XXYLT1: variants seen among roughly 807,000 people sequenced by gnomAD.
XXYLT1 encodes xyloside xylosyltransferase 1, also known as UDP-xylose:alpha-xyloside alpha-1,3-xylosyltransferase.
XXYLT1 carries 20 observed loss-of-function variants against 28.9 expected under a neutral mutation model. The ratio of observed to expected loss-of-function variants is 0.69; its 90% CI spans 0.49 to 1.00. The LOEUF is 1.00. Among genes scored for constraint, XXYLT1 ranks in the 50% least tolerant of loss-of-function variants. The pLI is 0.00. For synonymous variants in XXYLT1, 257 were observed against 253.8 expected, an observed-to-expected ratio of 1.01 and a Z score of -0.12; for missense variants, 542 against 560.1, an observed-to-expected ratio of 0.97 and a Z score of 0.33.
intron 1 of XXYLT1, among the ~76,000 whole-genome samples, chr3:195,265,892 G>A (rs1057171777): frequency 6.6e-6 from 1 of 152,148 alleles, no homozygotes; most frequent in African/African-American, 2.4e-5. Context: ...GCCTACCTCT[G>A]GACTGCATTG....
intron 2 of XXYLT1, among the ~76,000 whole-genome samples, chr3:195,164,922 G>A (rs963579937): frequency 3.9e-5 from 6 of 152,102 alleles, no homozygotes; most frequent in East Asian, 1.9e-4. Flanking sequence ...GTGACTAAGC[G>A]GGTTTCTTGG....
intron 1 of XXYLT1, among the ~76,000 whole-genome samples, chr3:195,262,374 G>C (rs80137335): frequency 6.6e-6 from 1 of 152,142 alleles, no homozygotes; most frequent in Admixed American, 6.6e-5. Context: ...GGGTTTCTGA[G>C]GTGACAAGTG....
intron 2 of XXYLT1, among the ~76,000 whole-genome samples, chr3:195,219,747 C>T (rs1200546430): frequency 6.6e-6 from 1 of 152,232 alleles, no homozygotes; most frequent in Non-Finnish European, 1.5e-5. Flanking sequence ...CCTGCAGCCT[C>T]AAGACAGTAA....
chr3:195,154,344 G>A (rs1018870628), intron 3 of XXYLT1, among the ~76,000 whole-genome samples: 1 of 152,170 alleles, frequency 6.6e-6, no homozygotes. Context: ...GTGGCACTAG[G>A]AGGCATGTGC....
At chr3:195,111,065 G>C (rs1175547810) in intron 3 of XXYLT1, among the ~76,000 whole-genome samples, 2 of 152,032 alleles carry the variant, frequency 1.3e-5, no homozygotes. Context: ...TGAGATCATG[G>C]GTCGGCAGGG....
intron 3 of XXYLT1, among the ~76,000 whole-genome samples, chr3:195,126,250 G>A (rs368633727): frequency 3.6e-4 from 55 of 152,296 alleles, no homozygotes; most frequent in African/African-American, 1.3e-3. Flanking sequence ...CCAGACCCAG[G>A]CCTGCGGAAA....
intron 3 of XXYLT1, among the ~76,000 whole-genome samples, chr3:195,151,180 A>C (rs578121558): frequency 1.3e-5 from 2 of 152,184 alleles, no homozygotes; most frequent in African/African-American, 4.8e-5. Context: ...GCTGCTAAAA[A>C]GGGAAGTTTT....
At chr3:195,140,630 GGAGAGAGAGTGAGAGAGAGAGTGA>G (rs11276544) in intron 3 of XXYLT1, among the ~76,000 whole-genome samples, 8 of 151,296 alleles carry the variant, frequency 5.3e-5, no homozygotes, top group Middle Eastern at 3.4e-3. Context: ...CATGGCAGCA[GGAGAGAGAGTGAGAGAGAGAGTGA>G]GAGAGAGAGT....
chr3:195,175,986 A>G, intron 2 of XXYLT1: 2 of 1,127,414 alleles, frequency 1.8e-6, no homozygotes, highest in African/African-American at 1.6e-5. Flanking sequence ...CACAGAGGTC[A>G]TCAGTGTATA....
chr3:195,151,953 C>A (rs544746074), intron 3 of XXYLT1, among the ~76,000 whole-genome samples: 3 of 152,228 alleles, frequency 2.0e-5, no homozygotes, highest in African/African-American at 7.2e-5. Context: ...ACAGAAACTT[C>A]CACTATTACT....
chr3:195,248,198 G>A (rs1252235387), intron 1 of XXYLT1, among the ~76,000 whole-genome samples: 1 of 152,192 alleles, frequency 6.6e-6, no homozygotes, highest in Non-Finnish European at 1.5e-5. Flanking sequence ...ATACTGTTGT[G>A]CAAAGTACTA....
intron 3 of XXYLT1, among the ~76,000 whole-genome samples, chr3:195,116,303 C>A (rs886380486): frequency 3.3e-5 from 5 of 152,224 alleles, no homozygotes; most frequent in Non-Finnish European, 7.3e-5. Flanking sequence ...CAAATTCTAA[C>A]CAGAATGCTT....
rs1206130765 is a variant in XXYLT1 at position 195,109,866 on chromosome 3, GGTGTATGT to G, written c.786-39763_786-39756del. The stretch of plus-strand genomic sequence containing the variant: ...GTGGTGTATGTGTGCCTGTGTGTGT[GGTGTATGT>G]GTGCATGTGTGTGGGTGAGGTGTGG... On this transcript the variant is annotated intron_variant, in intron 3 of 3. Transcript: ENST00000310380. 2.9e-5 allele frequency among the ~76,000 whole-genome samples: 2 copies of G among 68,182 alleles called. 1 individual carries two copies. The highest frequency in any genetic ancestry group is 7.3e-5 in the Non-Finnish European group (2 of 27,310). 44.7% of individuals were successfully genotyped at this position (68,182 alleles called of 152,430 possible). A position where few individuals can be genotyped will look rare whatever the true frequency, so the allele number is the denominator to read the frequency against.
At chr3:195,103,690 G>C (rs895741847) in intron 3 of XXYLT1, among the ~76,000 whole-genome samples, 3 of 152,210 alleles carry the variant, frequency 2.0e-5, no homozygotes, top group Admixed American at 6.5e-5. Context: ...ATCCATCAAG[G>C]GGAAGTCACT....
At chr3:195,186,984 T>G (rs1424813976) in intron 2 of XXYLT1, among the ~76,000 whole-genome samples, 3 of 146,376 alleles carry the variant, frequency 2.0e-5, no homozygotes, top group Admixed American at 6.9e-5. Flanking sequence ...AACCTCCACC[T>G]CCTGGGTTCA....
intron 1 of XXYLT1, among the ~76,000 whole-genome samples, chr3:195,237,436 T>C (rs561779829): frequency 4.6e-5 from 7 of 152,246 alleles, no homozygotes; most frequent in Admixed American, 1.3e-4. Context: ...GCCACAGGGA[T>C]GGAGTCAGTG....
chr3:195,121,367 GC>G (rs1718352200), intron 3 of XXYLT1, among the ~76,000 whole-genome samples: 1 of 152,168 alleles, frequency 6.6e-6, no homozygotes, highest in African/African-American at 2.4e-5. Context: ...GTTGGTGCAC[GC>G]AGGATGGATG....
chr3:195,101,515 A>G (rs1577026173), intron 3 of XXYLT1, among the ~76,000 whole-genome samples: 1 of 152,372 alleles, frequency 6.6e-6, no homozygotes, highest in East Asian at 1.9e-4. Flanking sequence ...AGTAAGTCCC[A>G]GGGACATTCC....
At chr3:195,237,218 C>T (rs2095969) in intron 1 of XXYLT1, among the ~76,000 whole-genome samples, 3,925 of 152,214 alleles carry the variant, frequency 0.026, 186 homozygotes, top group African/African-American at 0.089. Context: ...ACACTTTAAC[C>T]TATGGTAACA....
Sources: gnomAD v4.1 joint callset for allele counts (sites outside exome capture counted in the v4.1 genomes callset) on GRCh38, gnomAD v4.1.1 for gene constraint, MANE v1.5 for transcripts, NCBI Gene and HGNC (gene_info 2026-07-23, HGNC 2026-07-21) for gene names.